Variants in SPTB observed in about 807,000 individuals in gnomAD.
The protein encoded by SPTB is spectrin beta chain, erythrocytic.
In SPTB, 45 loss-of-function variants were observed where a neutral mutation model predicts 256.2. That is an observed-to-expected ratio of 0.18 (90% CI 0.14 to 0.23). SPTB has a LOEUF of 0.23. Among genes scored for constraint, SPTB ranks in the 10% least tolerant of loss-of-function variants. The pLI, the probability that SPTB is intolerant of heterozygous loss-of-function variation, is 1.00. For missense variants in SPTB, 2,715 were observed against 3,040.4 expected (o/e 0.89, Z 2.52); for synonymous variants, 1,231 against 1,243.1 (o/e 0.99, Z 0.21).
chr14:64,749,108 G>C lies in SPTB; in HGVS notation c.*198C>G, dbSNP rs1014084019. 6 of 552,978 alleles carry C rather than the reference G, an allele frequency of 1.1e-5. No homozygotes were observed. Among genetic ancestry groups the C allele is most frequent in the African/African-American group, 8.2e-5 (4 of 48,782 alleles). 34.3% of individuals were successfully genotyped at this position (552,978 alleles called of 1,614,324 possible). ...CCTGTCCCTGGAGCGGAGCCAGCGCGGGCGAGGGCATGGAGGGGGCGTCGG... is the reference window on the plus strand; with the variant it reads ...CCTGTCCCTGGAGCGGAGCCAGCGCCGGCGAGGGCATGGAGGGGGCGTCGG... On this transcript the variant is annotated 3_prime_UTR_variant, in exon 36 of 36. Coordinates refer to ENST00000644917, the MANE Select transcript of SPTB (RefSeq NM_001355436.2). This position sits in a 1 kb window ranked among gnomAD's most constrained non-coding sequence, Gnocchi z 4.7.
Position 64,824,239 on chromosome 14 carries a change from T to C in SPTB, c.-51-1094A>G, listed in dbSNP as rs373939587. Among the ~76,000 whole-genome samples, 170 of 152,066 alleles carry C rather than the reference T, an allele frequency of 1.1e-3. 4 individuals carry two copies. In the South Asian group the frequency reaches 0.035, roughly 31 times the overall value. On this transcript the variant is annotated intron_variant, in intron 1 of 35. Transcript: ENST00000644917. This position sits in a 1 kb window ranked among gnomAD's most constrained non-coding sequence, Gnocchi z 5.7. The stretch of plus-strand genomic sequence containing the variant: ...GGGAGGGGAAGTTGAAGCTTATTCC[T>C]AAAGGAAGCTTGGAGGTACCCATGA...
At chr14:64,763,299 C>G (rs1442330081) in intron 32 of SPTB, among the ~76,000 whole-genome samples, 1 of 152,242 alleles carries the variant, frequency 6.6e-6, no homozygotes, top group Non-Finnish European at 1.5e-5. Flanking sequence ...CTGCCGAGGG[C>G]TCCCTCGCAG....
At chr14:64,784,083 A>AC (rs1369015823) in intron 19 of SPTB, among the ~76,000 whole-genome samples, 164 bp downstream of exon 19, 2 of 152,232 alleles carry the variant, frequency 1.3e-5, no homozygotes, top group African/African-American at 4.8e-5. Flanking sequence ...AAGACTGACT[A>AC]CATCAGGAGC....
At position 64,866,095 on chromosome 14, in the gene SPTB, G is replaced by A. The variant is rs1463703273; in HGVS notation, c.-52+13697C>T. Among the ~76,000 whole-genome samples, 6 of 152,148 alleles carry A rather than the reference G, an allele frequency of 3.9e-5. No homozygotes were observed. Among genetic ancestry groups the A allele is most frequent in the Non-Finnish European group, 7.3e-5 (5 of 68,030 alleles). Reference sequence around the variant, plus strand: ...CCACAAAGTAAAACATCTATGAAATGAATAAGACTGTTCACTCAAAGAGCA... The same window carrying A: ...CCACAAAGTAAAACATCTATGAAATAAATAAGACTGTTCACTCAAAGAGCA... On this transcript the variant is annotated intron_variant, in intron 1 of 35. Coordinates refer to ENST00000644917, the MANE Select transcript of SPTB (RefSeq NM_001355436.2). This position sits in a 1 kb window ranked among gnomAD's most constrained non-coding sequence, Gnocchi z 4.6.
rs2082064217 is a variant in SPTB at position 64,759,554 on chromosome 14, A to C, written c.6346-5761T>G. Among the ~76,000 whole-genome samples, 2 of 152,214 alleles carry C rather than the reference A, an allele frequency of 1.3e-5. No individual in the cohort carries two copies. Among genetic ancestry groups the C allele is most frequent in the Non-Finnish European group, 2.9e-5 (2 of 68,030 alleles). On this transcript the variant is annotated intron_variant, in intron 32 of 35. Coordinates refer to ENST00000644917, the MANE Select transcript of SPTB (RefSeq NM_001355436.2). This position sits in a 1 kb window ranked among gnomAD's most constrained non-coding sequence, Gnocchi z 4.8. ...TGAGGTGGGGACTGCCTTACCCGAC[A>C]GGAGGCGAGATCTATGGACAGAGAG... is the stretch of plus-strand genomic sequence containing the variant.
rs182781980 is a variant in SPTB, at chr14:64,795,083, G to A, written c.1644+254C>T. On this transcript the variant is annotated intron_variant, in intron 12 of 35. Coordinates refer to ENST00000644917, the MANE Select transcript of SPTB (RefSeq NM_001355436.2). The surrounding 1 kb of genome is among the most constrained non-coding windows in gnomAD (Gnocchi z 6.5). ...CTTCAAGGCCCTGAAGGTTGGCACC[G>A]GTGCTGCCACAAACCCAAGATTTCT... Among the ~76,000 whole-genome samples the A allele has an allele frequency of 5.3e-4, 80 of 152,328 alleles. No individual in the cohort carries two copies. Among genetic ancestry groups the A allele is most frequent in the Middle Eastern group, 3.4e-3 (1 of 294 alleles).
In SPTB at chr14:64,767,368, G is replaced by C; in HGVS notation, c.6220-16C>G. On this transcript the variant is annotated splice_polypyrimidine_tract_variant and intron_variant, in intron 30 of 35. Coordinates refer to ENST00000644917, the MANE Select transcript of SPTB (RefSeq NM_001355436.2). ...TCAGCTCAAGCTAGAGGAGGAGAAG[G>C]CCCAGGGGTCAGAGCAGCCACAGAG... The C allele has an allele frequency of 1.9e-6, 3 of 1,612,886 alleles. No individual in the cohort carries two copies. The highest frequency in any genetic ancestry group is 1.1e-5 in the South Asian group (1 of 91,062).
At chr14:64,763,023 A>G (rs888085714) in intron 32 of SPTB, among the ~76,000 whole-genome samples, 41 of 152,376 alleles carry the variant, frequency 2.7e-4, no homozygotes, top group African/African-American at 9.9e-4. Flanking sequence ...AATCAGGCAC[A>G]GTGGACAGGA....
rs2082955374 is a variant in SPTB at position 64,805,000 on chromosome 14, T to C, written c.239A>G (p.Lys80Arg). 1.9e-6 allele frequency: 3 copies of C among 1,613,500 alleles called. No individual in the cohort carries two copies. Among genetic ancestry groups the C allele is most frequent in the Non-Finnish European group, 1.7e-6 (2 of 1,179,850 alleles). ...RVSCRITDLY[K>R]DLRDGRMLIK... ...GAGCATGCGCCCATCCCGCAGGTCC[T>C]TGTAGAGATCGGTGATGCGGCAGGA... Residue 80 changes from lysine (K) to arginine (R), a missense_variant, in exon 3 of 36, where the codon AAG (lysine) becomes AGG (arginine). Physicochemically the swap from Lys to Arg is conservative, Grantham distance 26. Transcript: ENST00000644917.
chr14:64,817,867 G>A (rs1038093286), intron 2 of SPTB, among the ~76,000 whole-genome samples: 1 of 152,244 alleles, frequency 6.6e-6, no homozygotes, highest in African/African-American at 2.4e-5. Context: ...ATGTCTGCCA[G>A]CCACAGAACT....
At chr14:64,859,718 CTCTATATATA>C (rs760823943) in intron 1 of SPTB, among the ~76,000 whole-genome samples, 4,824 of 19,466 alleles carry the variant, frequency 0.25, 115 homozygotes, top group Middle Eastern at 0.35. Context: ...CTCTCTCTCT[CTCTATATATA>C]TATATATATG....
chr14:64,836,229 G>T (rs1267478116), intron 1 of SPTB, among the ~76,000 whole-genome samples: 1 of 152,178 alleles, frequency 6.6e-6, no homozygotes, highest in Non-Finnish European at 1.5e-5. Flanking sequence ...ACTGTTGGGA[G>T]CGTAGCCTCC....
At chr14:64,813,346 A>G (rs2083126061) in intron 2 of SPTB, among the ~76,000 whole-genome samples, 1 of 152,150 alleles carries the variant, frequency 6.6e-6, no homozygotes, top group South Asian at 2.1e-4. Context: ...GGTCAGAAAG[A>G]TAAGTAGGAG....
intron 27 of SPTB, 89 bp from the exon 28 acceptor site, chr14:64,769,817 G>A: frequency 6.4e-7 from 1 of 1,574,308 alleles, no homozygotes; most frequent in South Asian, 1.1e-5. Flanking sequence ...ACCTCCCCCT[G>A]CCTGTGGGAG....
intron 33 of SPTB, among the ~76,000 whole-genome samples, chr14:64,751,535 T>C (rs2081950177): frequency 6.6e-6 from 1 of 152,186 alleles, no homozygotes; most frequent in South Asian, 2.1e-4. Flanking sequence ...TAAATAGCAA[T>C]GTGATGAACA....
At chr14:64,815,791 A>T (rs921391105) in intron 2 of SPTB, among the ~76,000 whole-genome samples, 3 of 152,172 alleles carry the variant, frequency 2.0e-5, no homozygotes, top group African/African-American at 4.8e-5. Flanking sequence ...ACACCACTCC[A>T]TAGGTGGCTT....
Position 64,759,786 on chromosome 14 carries a change from C to T in SPTB, c.6346-5993G>A, listed in dbSNP as rs2082067070. On this transcript the variant is annotated intron_variant, in intron 32 of 35. Coordinates refer to ENST00000644917, the MANE Select transcript of SPTB (RefSeq NM_001355436.2). This position sits in a 1 kb window ranked among gnomAD's most constrained non-coding sequence, Gnocchi z 4.8. ...CACTGAGGGCTGCCACCCACCGGAGCAGGGGACACTCTGAAGGAAGAGAGT... is the reference window on the plus strand; with the variant it reads ...CACTGAGGGCTGCCACCCACCGGAGTAGGGGACACTCTGAAGGAAGAGAGT... Among the ~76,000 whole-genome samples, 1 of 152,222 alleles carries T rather than the reference C, an allele frequency of 6.6e-6. No individual in the cohort carries two copies. The highest frequency in any genetic ancestry group is 2.1e-4 in the South Asian group (1 of 4,834).
intron 2 of SPTB, among the ~76,000 whole-genome samples, chr14:64,818,283 G>T (rs749997751): frequency 6.6e-6 from 1 of 152,218 alleles, no homozygotes; most frequent in Non-Finnish European, 1.5e-5. Flanking sequence ...TTCGCAGGAG[G>T]CTCCGGACTG....
chr14:64,793,511 T>A lies in SPTB; in HGVS notation c.2152A>T (p.Ile718Leu), dbSNP rs769054911. 1.2e-6 allele frequency: 2 copies of A among 1,614,148 alleles called. No homozygotes were observed. The highest frequency in any genetic ancestry group is 2.2e-5 in the South Asian group (2 of 91,076). ...QFGHPQIEAR[I>L]KEVSAQWDQL... ...TCCCACTGTGCCGACACCTCCTTTA[T>A]GCGGGCCTCGATCTGCGGGTGCCCA... The change falls in exon 14 of 36, where the codon ATA becomes TTA. Residue 718 changes from isoleucine (I) to leucine (L), a missense_variant. By Grantham distance (5) the Ile-to-Leu change is conservative. This residue lies in a region of SPTB where 2,239 missense variants were observed against 2,384.4 expected (regional missense o/e 0.94). Coordinates refer to ENST00000644917, the MANE Select transcript of SPTB (RefSeq NM_001355436.2). The surrounding 1 kb of genome is among the most constrained non-coding windows in gnomAD (Gnocchi z 7.0).
Sources: allele counts gnomAD v4.1 joint callset (sites outside exome capture counted in the v4.1 genomes callset), GRCh38; gene constraint gnomAD v4.1.1; regional missense constraint gnomAD v4.1.1; non-coding constraint Gnocchi (gnomAD v3.1); transcripts MANE v1.5; gene names NCBI Gene and HGNC (gene_info 2026-07-23, HGNC 2026-07-21).